MDH1B: variants seen among roughly 807,000 people sequenced by gnomAD.
MDH1B encodes the protein putative malate dehydrogenase 1B.
In MDH1B, 60 loss-of-function variants were observed where a neutral mutation model predicts 61.4. That is an observed-to-expected ratio of 0.98 (90% CI 0.79 to 1.21). The LOEUF is 1.21. Among genes scored for constraint, MDH1B ranks in the 50% most tolerant of loss-of-function variants. The pLI is 0.00. For missense variants in MDH1B, 587 were observed against 632.1 expected, an observed-to-expected ratio of 0.93 and a Z score of 0.76; for synonymous variants, 236 against 218.7, an observed-to-expected ratio of 1.08 and a Z score of -0.70.
At chr2:206,738,549 CA>C (rs776760243) in intron 11 of MDH1B, 38 bp from the exon 12 acceptor site, 2 of 1,480,936 alleles carry the variant, frequency 1.4e-6, no homozygotes. Context: ...TAACTATTTC[CA>C]AAATATGTTA....
intron 9 of MDH1B, 94 bp downstream of exon 9, chr2:206,745,528 G>T: frequency 2.2e-6 from 2 of 917,634 alleles, no homozygotes; most frequent in East Asian, 2.6e-5. Flanking sequence ...AAATATAAAT[G>T]AGAGTTATTC....
At chr2:206,762,042 T>C (rs1282024022) in intron 1 of MDH1B, among the ~76,000 whole-genome samples, 1 of 152,156 alleles carries the variant, frequency 6.6e-6, no homozygotes, top group Non-Finnish European at 1.5e-5. Context: ...TAGCCACCAC[T>C]ACAGAAACAT....
intron 11 of MDH1B, 112 bp from the exon 12 acceptor site, chr2:206,738,623 G>T: frequency 5.9e-6 from 4 of 677,532 alleles, no homozygotes; most frequent in Non-Finnish European, 7.5e-6. Context: ...TTCAATAGCT[G>T]AGAAAGTGCA....
chr2:206,749,002 T>A lies in MDH1B; in HGVS notation c.1216+18A>T, dbSNP rs756085689. The A allele has an allele frequency of 1.2e-6, 2 of 1,609,718 alleles. No homozygotes were observed. The highest frequency in any genetic ancestry group is 2.2e-5 in the South Asian group (2 of 90,254). On this transcript the variant is annotated intron_variant, in intron 7 of 11. Transcript: ENST00000374412. ...AGAGGTTTTAAGATTTTACAAGATA[T>A]GAAAAACCCAGATTTACCTTCACTC... is the stretch of plus-strand genomic sequence containing the variant.
In MDH1B at chr2:206,765,253, CG is replaced by C; in HGVS notation, c.18del (p.Ile6MetfsTer43). 1.2e-6 allele frequency: 2 copies of C among 1,602,276 alleles called. No homozygotes were observed. Among genetic ancestry groups the C allele is most frequent in the Non-Finnish European group, 1.7e-6 (2 of 1,176,282 alleles). On this transcript the variant is annotated frameshift_variant, in exon 1 of 12. Transcript: ENST00000374412. LOFTEE classifies it high-confidence loss of function. ...GGCGGACGCGGGGATCACTCACCCG[CG>C]ATGACGAATTTGGCCATGGTCGAGA... MAKFV[I>X]AGRADCPYYA...
rs143382812 is a variant in MDH1B, at chr2:206,752,288, A to C, written c.911-1213T>G. Among the ~76,000 whole-genome samples the C allele has an allele frequency of 2.2e-3, 338 of 152,312 alleles. 2 individuals are homozygous for C. Among genetic ancestry groups the C allele is most frequent in the African/African-American group, 7.6e-3 (315 of 41,570 alleles). ...TCCCAGGGGACCCCAAATAGACTAT[A>C]TCACTCAACCACTCCTAGTTGCAAT... On this transcript the variant is annotated intron_variant, in intron 5 of 11. Transcript: ENST00000374412.
At chr2:206,749,259 G>A in intron 6 of MDH1B, 76 bp from the exon 7 acceptor site, 1 of 1,230,806 alleles carries the variant, frequency 8.1e-7, no homozygotes, top group Non-Finnish European at 1.2e-6. Flanking sequence ...TGGCTCAGTG[G>A]AACTAAGTAT....
intron 10 of MDH1B, among the ~76,000 whole-genome samples, chr2:206,739,987 C>T (rs997059624): frequency 6.6e-6 from 1 of 152,152 alleles, no homozygotes; most frequent in South Asian, 2.1e-4. Flanking sequence ...TAGCTTCCTT[C>T]TAAATAGATA....
intron 8 of MDH1B, among the ~76,000 whole-genome samples, chr2:206,746,061 T>A (rs1362888776): frequency 6.6e-6 from 1 of 152,206 alleles, no homozygotes; most frequent in Admixed American, 6.5e-5. Flanking sequence ...AACACCTTGA[T>A]TCTTCATTTT....
intron 1 of MDH1B, among the ~76,000 whole-genome samples, chr2:206,764,105 C>A (rs1425144198): frequency 1.3e-5 from 2 of 152,028 alleles, no homozygotes. Context: ...TCAAGACCAG[C>A]GTGGGCAACA....
At chr2:206,749,717 G>T (rs538288497) in intron 6 of MDH1B, among the ~76,000 whole-genome samples, 48 of 152,244 alleles carry the variant, frequency 3.2e-4, no homozygotes, top group Non-Finnish European at 6.3e-4. Context: ...TAGCCTGAAG[G>T]TAATTTTATA....
At chr2:206,739,422 A>C (rs1427465550) in intron 11 of MDH1B, among the ~76,000 whole-genome samples, 171 bp downstream of exon 11, 1 of 151,998 alleles carries the variant, frequency 6.6e-6, no homozygotes, top group Non-Finnish European at 1.5e-5. Context: ...TAAAAAAAAA[A>C]AGTGGGACGC....
chr2:206,746,986 T>C (rs1688146036), intron 7 of MDH1B, among the ~76,000 whole-genome samples: 1 of 152,194 alleles, frequency 6.6e-6, no homozygotes, highest in African/African-American at 2.4e-5. Flanking sequence ...CACATTTAAT[T>C]TCTTTAAGAT....
At chr2:206,739,766 T>C in intron 10 of MDH1B, 105 bp from the exon 11 acceptor site, 1 of 942,698 alleles carries the variant, frequency 1.1e-6, no homozygotes, top group Non-Finnish European at 1.6e-6. Flanking sequence ...GAGGTTTCTC[T>C]GAATGCATTG....
intron 9 of MDH1B, 138 bp downstream of exon 9, chr2:206,745,484 A>C (rs1434770954): frequency 1.4e-6 from 1 of 699,008 alleles, no homozygotes; most frequent in Non-Finnish European, 2.5e-6. Context: ...CATTGAACTT[A>C]ACAGTTTATT....
chr2:206,765,204 T>G (rs764435754), intron 1 of MDH1B, 46 bp downstream of exon 1: 19 of 1,594,876 alleles, frequency 1.2e-5, no homozygotes, highest in Non-Finnish European at 1.4e-5. Context: ...GGTGAGCTGT[T>G]GTCGGCGTTT....
intron 1 of MDH1B, among the ~76,000 whole-genome samples, chr2:206,761,630 G>A (rs1460414414): frequency 1.3e-5 from 2 of 151,904 alleles, no homozygotes; most frequent in African/African-American, 4.9e-5. Flanking sequence ...ATATGTACAT[G>A]TATATGTATA....
chr2:206,760,854 C>T (rs1036182164), intron 2 of MDH1B, 47 bp downstream of exon 2: 1 of 1,073,156 alleles, frequency 9.3e-7, no homozygotes, highest in African/African-American at 1.6e-5. Flanking sequence ...CAAATTAAAA[C>T]ACATTTTGTG....
chr2:206,740,513 C>A (rs1687747789), intron 10 of MDH1B, among the ~76,000 whole-genome samples: 1 of 152,090 alleles, frequency 6.6e-6, no homozygotes, highest in Non-Finnish European at 1.5e-5. Flanking sequence ...GGAAGAAAAT[C>A]TGCATAAGTG....
Sources: gnomAD v4.1 joint callset for allele counts (sites outside exome capture counted in the v4.1 genomes callset) on GRCh38, gnomAD v4.1.1 for gene constraint, MANE v1.5 for transcripts, NCBI Gene and HGNC (gene_info 2026-07-23, HGNC 2026-07-21) for gene names.